Variants in HTRA1 observed in about 807,000 individuals in gnomAD.
HTRA1 encodes the protein HtrA serine peptidase 1.
In HTRA1, 26 loss-of-function variants were observed where a neutral mutation model predicts 49.7. The observed-to-expected ratio is 0.52, with a 90% CI of 0.38 to 0.73. The LOEUF is 0.73. Ranked by LOEUF, HTRA1 falls within the 30% of genes least tolerant of loss-of-function variation. The pLI is 0.00. For missense variants in HTRA1, 561 were observed against 667.2 expected, an observed-to-expected ratio of 0.84 and a Z score of 1.75; for synonymous variants, 291 against 286.9, an observed-to-expected ratio of 1.01 and a Z score of -0.14.
chr10:122,489,743 G>A, intron 3 of HTRA1, 117 bp downstream of exon 3: 2 of 955,026 alleles, frequency 2.1e-6, no homozygotes, highest in South Asian at 2.8e-5. Context: ...GCCAGTCTGA[G>A]CCAGTCACAG....
At chr10:122,480,716 T>G (rs2097490626) in intron 1 of HTRA1, among the ~76,000 whole-genome samples, 1 of 152,188 alleles carries the variant, frequency 6.6e-6, no homozygotes, top group African/African-American at 2.4e-5. Context: ...CAGTGGGACC[T>G]GCCACCTGAG....
At chr10:122,483,189 T>C (rs1474256547) in intron 1 of HTRA1, among the ~76,000 whole-genome samples, 1 of 152,174 alleles carries the variant, frequency 6.6e-6, no homozygotes, top group East Asian at 1.9e-4. Context: ...TTGAAAGTAA[T>C]TAAGAAGTAT....
intron 5 of HTRA1, 43 bp from the exon 6 acceptor site, chr10:122,508,613 A>G (rs2097504196): frequency 7.9e-7 from 1 of 1,269,032 alleles, no homozygotes; most frequent in African/African-American, 1.5e-5. Flanking sequence ...ACCTGCCGGT[A>G]AAGCTTCACG....
In HTRA1 at chr10:122,475,249, AC is replaced by A. The variant is rs1435276321; in HGVS notation, c.472+13126del. Among the ~76,000 whole-genome samples, 4 of 152,348 alleles carry A rather than the reference AC, an allele frequency of 2.6e-5. No individual in the cohort carries two copies. In the East Asian group the frequency reaches 7.7e-4, roughly 29 times the overall value. On this transcript the variant is annotated intron_variant, in intron 1 of 8. Transcript: ENST00000368984. ...GCTCAAGGCACCCGGGACATGCAGG[AC>A]GGGGGAGCAGCCTGAGGTCTGGCGT...
In HTRA1 at chr10:122,508,720, C is replaced by T. The variant is rs1456705436; in HGVS notation, c.1070C>T (p.Ser357Phe). The change falls in exon 6 of 9, where the codon TCT (serine) becomes TTT (phenylalanine). Residue 357 changes from serine to phenylalanine, a missense_variant. Physicochemically the swap from Ser to Phe is radical, Grantham distance 155 (BLOSUM62 -2). Around this residue, in one of 3 missense-constraint regions of HTRA1, gnomAD observed 179 missense variants for 173.4 expected, o/e 1.03. Coordinates refer to ENST00000368984, the MANE Select transcript of HTRA1 (RefSeq NM_002775.5). ...GCTGGAATCTCCTTTGCAATCCCAT[C>T]TGATAAGATTAAAAAGTTCCTCACG... ...VTAGISFAIPSDKIKKFLTES... is the reference protein window; with the variant it reads ...VTAGISFAIPFDKIKKFLTES... 3 of 1,613,970 alleles carry T rather than the reference C, an allele frequency of 1.9e-6. No homozygotes were observed. The highest frequency in any genetic ancestry group is 1.7e-6 in the Non-Finnish European group (2 of 1,179,838).
Position 122,506,702 on chromosome 10 carries a change from T to A in HTRA1, c.789T>A (p.Pro263=). 6.2e-7 allele frequency: 1 copy of A among 1,613,020 alleles called. No homozygotes were observed. The highest frequency in any genetic ancestry group is 8.5e-7 in the Non-Finnish European group (1 of 1,179,954). ...CATTGTGGTTTCAGGGCAAGCTGCC[T>A]GTCCTGCTGCTTGGCCGCTCCTCAG... ...LIKIDHQGKL[P]VLLLGRSSEL... Residue 263 remains proline (P), a synonymous_variant, in exon 4 of 9, where the codon CCT becomes CCA. Coordinates refer to ENST00000368984, the MANE Select transcript of HTRA1 (RefSeq NM_002775.5). The surrounding 1 kb of genome is among the most constrained non-coding windows in gnomAD (Gnocchi z 5.2).
chr10:122,496,207 G>A (rs774531151), intron 3 of HTRA1, among the ~76,000 whole-genome samples: 6 of 105,334 alleles, frequency 5.7e-5, no homozygotes, highest in Non-Finnish European at 7.6e-5. Context: ...TTGCCCTTTC[G>A]TTTGCCAGAG....
chr10:122,467,478 G>A (rs2097484234), intron 1 of HTRA1, among the ~76,000 whole-genome samples: 1 of 152,184 alleles, frequency 6.6e-6, no homozygotes. Flanking sequence ...CTAATTTAAA[G>A]CCTGGGGAGG....
chr10:122,470,597 A>G (rs1363110282), intron 1 of HTRA1, among the ~76,000 whole-genome samples: 1 of 152,010 alleles, frequency 6.6e-6, no homozygotes, highest in Non-Finnish European at 1.5e-5. Flanking sequence ...CCAGTGATAT[A>G]AGGAATATGA....
intron 7 of HTRA1, 105 bp downstream of exon 7, chr10:122,510,258 C>G (rs1439314928): frequency 2.3e-6 from 2 of 883,630 alleles, no homozygotes; most frequent in Non-Finnish European, 3.8e-6. Flanking sequence ...TGCCTTAAGA[C>G]GTCTCAGTTT....
intron 1 of HTRA1, among the ~76,000 whole-genome samples, chr10:122,465,774 A>T (rs184357961): frequency 1.3e-5 from 2 of 152,318 alleles, no homozygotes; most frequent in Non-Finnish European, 2.9e-5. Flanking sequence ...CAAGCCAGAG[A>T]TCCAGACAAA....
At chr10:122,498,754 C>T (rs2097499737) in intron 3 of HTRA1, among the ~76,000 whole-genome samples, 1 of 152,228 alleles carries the variant, frequency 6.6e-6, no homozygotes, top group Admixed American at 6.5e-5. Flanking sequence ...TACTCACAGG[C>T]CCTGTGCCCT....
At chr10:122,492,634 G>A (rs908692995) in intron 3 of HTRA1, among the ~76,000 whole-genome samples, 1 of 152,170 alleles carries the variant, frequency 6.6e-6, no homozygotes, top group Non-Finnish European at 1.5e-5. Flanking sequence ...GCGCGTGGCT[G>A]TAAACGTGAT....
At position 122,462,118 on chromosome 10, in the gene HTRA1, G is replaced by T. The variant is rs772637355; in HGVS notation, c.466G>T (p.Gly156Cys). Residue 156 changes from glycine to cysteine, a missense_variant, in exon 1 of 9, where the codon GGC becomes TGC. Transcript: ENST00000368984. ...PVIVLQRGACGQGQEDPNSLR... is the reference protein window; with the variant it reads ...PVIVLQRGACCQGQEDPNSLR... ...CATCGTCCTGCAGCGCGGAGCCTGCGGCCAAGGTACTCCGCCGCGCTCCTG... is the reference window on the plus strand; with the variant it reads ...CATCGTCCTGCAGCGCGGAGCCTGCTGCCAAGGTACTCCGCCGCGCTCCTG... 16 of 1,532,966 alleles carry T rather than the reference G, an allele frequency of 1.0e-5. No individual in the cohort carries two copies. The East Asian group carries it at 3.9e-4, about 38-fold the overall frequency. 95.0% of individuals were successfully genotyped at this position (1,532,966 alleles called of 1,614,324 possible).
intron 1 of HTRA1, among the ~76,000 whole-genome samples, chr10:122,468,081 T>A (rs2097484493): frequency 6.6e-6 from 1 of 152,214 alleles, no homozygotes; most frequent in Non-Finnish European, 1.5e-5. Flanking sequence ...ACCTACTGTG[T>A]GCTCAGAAGT....
intron 1 of HTRA1, among the ~76,000 whole-genome samples, chr10:122,479,749 G>T (rs1272643865): frequency 1.3e-5 from 2 of 151,446 alleles, no homozygotes. Flanking sequence ...GGAGGAATCA[G>T]TGCCACATGG....
rs917831084 is a variant in HTRA1 at position 122,464,601 on chromosome 10, G to A, written c.472+2477G>A. ...GGTGCTTGCGATACACAGCCATTCT[G>A]TTTTTCCTTAGTGGAAGGCACTGCT... On this transcript the variant is annotated intron_variant, in intron 1 of 8. Coordinates refer to ENST00000368984, the MANE Select transcript of HTRA1 (RefSeq NM_002775.5). The surrounding 1 kb of genome is among the most constrained non-coding windows in gnomAD (Gnocchi z 4.8). Among the ~76,000 whole-genome samples, 1 of 152,216 alleles carries A rather than the reference G, an allele frequency of 6.6e-6. No individual in the cohort carries two copies. The highest frequency in any genetic ancestry group is 1.5e-5 in the Non-Finnish European group (1 of 68,044).
intron 1 of HTRA1, among the ~76,000 whole-genome samples, chr10:122,468,475 G>T (rs1313161180): frequency 6.6e-6 from 1 of 151,998 alleles, no homozygotes; most frequent in East Asian, 1.9e-4. Flanking sequence ...TCAGCTGTGT[G>T]GGAGGAGTGC....
chr10:122,475,753 T>G (rs370719770), intron 1 of HTRA1, among the ~76,000 whole-genome samples: 21 of 152,340 alleles, frequency 1.4e-4, no homozygotes, highest in African/African-American at 5.0e-4. Context: ...GGCCCCTCTG[T>G]GCCCATGTCC....
Sources: gnomAD v4.1 joint callset for allele counts (sites outside exome capture counted in the v4.1 genomes callset) on GRCh38, gnomAD v4.1.1 for gene constraint, gnomAD v4.1.1 regional missense constraint, Gnocchi (gnomAD v3.1) non-coding constraint, MANE v1.5 for transcripts, NCBI Gene and HGNC (gene_info 2026-07-23, HGNC 2026-07-21) for gene names.